Variants in FAM78B observed in about 807,000 individuals in gnomAD.
The protein encoded by FAM78B is protein FAM78B.
A neutral mutation model predicts 20.0 loss-of-function variants in FAM78B; 10 were observed. The observed-to-expected ratio is 0.50, with a 90% CI of 0.31 to 0.85. FAM78B has a LOEUF of 0.85. FAM78B is among the 40% of genes least tolerant of loss of function. FAM78B has a pLI of 0.05. For synonymous variants in FAM78B, 135 were observed against 132.8 expected, an observed-to-expected ratio of 1.02 and a Z score of -0.12; for missense variants, 283 against 345.0, an observed-to-expected ratio of 0.82 and a Z score of 1.42.
chr1:166,088,451 A>C (rs990051485), intron 1 of FAM78B, among the ~76,000 whole-genome samples: 2 of 152,160 alleles, frequency 1.3e-5, no homozygotes, highest in African/African-American at 4.8e-5. Flanking sequence ...TGGACTCAGA[A>C]GATCCAGGCC....
chr1:166,166,936 G>GTGGAGAGCCCCAACGGC lies in FAM78B; in HGVS notation c.-705_-689dup, dbSNP rs1656427737. On this transcript the variant is annotated 5_prime_UTR_variant, in exon 1 of 2. The change creates a premature stop within an existing upstream ORF in the 5' untranslated region. Transcript: ENST00000354422. The stretch of plus-strand genomic sequence containing the variant: ...GGGCGCCAGGAGGCTGTGGCCCGGG[G>GTGGAGAGCCCCAACGGC]TGGAGAGCCCCAACGGCTGGAGCAG... 6.6e-6 allele frequency: 1 copy of GTGGAGAGCCCCAACGGC among 152,148 alleles called. No individual in the cohort carries two copies. The allele number at this position is 152,148 out of a possible 1,614,324, so 9.4% of individuals were successfully genotyped here.
At chr1:166,142,726 C>T (rs1318957593) in intron 1 of FAM78B, among the ~76,000 whole-genome samples, 2 of 152,156 alleles carry the variant, frequency 1.3e-5, no homozygotes, top group African/African-American at 4.8e-5. Context: ...ACATAAAAGG[C>T]CCTCTAGGCA....
chr1:166,065,148 C>T (rs756728498), downstream of FAM78B, among the ~76,000 whole-genome samples: 1 of 152,348 alleles, frequency 6.6e-6, no homozygotes, highest in Non-Finnish European at 1.5e-5. Flanking sequence ...GCCTGATAAA[C>T]AGTAGTGGCT....
chr1:166,144,818 C>A lies in FAM78B; in HGVS notation c.263+21168G>T, dbSNP rs539179650. Among the ~76,000 whole-genome samples, 9 of 152,250 alleles carry A rather than the reference C, an allele frequency of 5.9e-5. No homozygotes were observed. The South Asian group carries it at 1.0e-3, about 18-fold the overall frequency. On this transcript the variant is annotated intron_variant, in intron 1 of 1. Coordinates refer to ENST00000354422, the MANE Select transcript of FAM78B (RefSeq NM_001017961.5). ...AGAAGGAGAGACCTGCCACTTAAAC[C>A]CCCTTTCTGTTCTTTACCATGGCAC...
downstream of FAM78B, among the ~76,000 whole-genome samples, chr1:166,064,921 A>G (rs1425821153): frequency 6.6e-6 from 1 of 152,230 alleles, no homozygotes; most frequent in Non-Finnish European, 1.5e-5. Context: ...TCCAGCTACC[A>G]GCAGGACCTC....
intron 1 of FAM78B, among the ~76,000 whole-genome samples, chr1:166,138,986 C>T (rs955636672): frequency 1.3e-5 from 2 of 152,216 alleles, no homozygotes; most frequent in Non-Finnish European, 2.9e-5. Flanking sequence ...GTCATGTTCC[C>T]TGAGTTGTCT....
intron 1 of FAM78B, among the ~76,000 whole-genome samples, chr1:166,092,494 T>A (rs1292073231): frequency 6.6e-6 from 1 of 152,238 alleles, no homozygotes; most frequent in Non-Finnish European, 1.5e-5. Flanking sequence ...GGCCCCTTGC[T>A]GTGGATTCAG....
intron 1 of FAM78B, among the ~76,000 whole-genome samples, chr1:166,155,824 T>A (rs1655870382): frequency 6.6e-6 from 1 of 152,050 alleles, no homozygotes; most frequent in African/African-American, 2.4e-5. Context: ...AAGATCCTGC[T>A]CTCACAGAAC....
intron 1 of FAM78B, among the ~76,000 whole-genome samples, chr1:166,139,746 T>G (rs1655208268): frequency 6.6e-6 from 1 of 152,200 alleles, no homozygotes; most frequent in Non-Finnish European, 1.5e-5. Context: ...CCAAAGGCTG[T>G]TCTTCCTGTG....
At chr1:166,143,468 A>G (rs1416936909) in intron 1 of FAM78B, among the ~76,000 whole-genome samples, 1 of 152,142 alleles carries the variant, frequency 6.6e-6, no homozygotes, top group African/African-American at 2.4e-5. Context: ...TATCTAGGAA[A>G]GGTCAGGCCA....
chr1:166,109,814 G>GTATATATATGTATATACATATATATATA (rs1653928332), intron 1 of FAM78B, among the ~76,000 whole-genome samples: 1 of 32,648 alleles, frequency 3.1e-5, no homozygotes. Context: ...ATGTATATAT[G>GTATATATATGTATATACATATATATATA]TATATATATA....
chr1:166,075,448 C>T (rs1438058213), intron 1 of FAM78B, among the ~76,000 whole-genome samples: 1 of 152,186 alleles, frequency 6.6e-6, no homozygotes, highest in Non-Finnish European at 1.5e-5. Flanking sequence ...TAATCATTCA[C>T]AGAAGTAACA....
intron 1 of FAM78B, among the ~76,000 whole-genome samples, chr1:166,115,570 G>C (rs921861219): frequency 6.6e-6 from 1 of 152,206 alleles, no homozygotes; most frequent in African/African-American, 2.4e-5. Flanking sequence ...TCTGTGTGCC[G>C]GGGATGTCCT....
At chr1:166,114,789 C>T (rs961579880) in intron 1 of FAM78B, among the ~76,000 whole-genome samples, 7 of 152,104 alleles carry the variant, frequency 4.6e-5, no homozygotes, top group Non-Finnish European at 1.0e-4. Context: ...AACAATATAG[C>T]ATATTTTTTT....
chr1:166,136,745 G>C (rs989851734), intron 1 of FAM78B, among the ~76,000 whole-genome samples: 1 of 152,180 alleles, frequency 6.6e-6, no homozygotes, highest in Non-Finnish European at 1.5e-5. Context: ...TAACTGGGCC[G>C]GTGACTCTGA....
intron 1 of FAM78B, among the ~76,000 whole-genome samples, chr1:166,093,521 T>C (rs189842586): frequency 2.0e-5 from 3 of 152,332 alleles, no homozygotes; most frequent in Admixed American, 2.0e-4. Context: ...TATAGGACCA[T>C]GGATCCCCAT....
At chr1:166,110,935 T>A (rs560969700) in intron 1 of FAM78B, among the ~76,000 whole-genome samples, 1 of 152,276 alleles carries the variant, frequency 6.6e-6, no homozygotes, top group Admixed American at 6.5e-5. Flanking sequence ...TATAAATGTA[T>A]ATAGAAATGA....
intron 1 of FAM78B, among the ~76,000 whole-genome samples, chr1:166,077,923 AT>A (rs1652382199): frequency 1.4e-4 from 4 of 27,956 alleles, no homozygotes; most frequent in African/African-American, 8.6e-4. Flanking sequence ...TATATATATA[AT>A]AAATATATAA....
rs111947703 is a variant in FAM78B, at chr1:166,103,656, G to A, written c.264-32893C>T. 1.8e-3 allele frequency among the ~76,000 whole-genome samples: 276 copies of A among 152,274 alleles called. 1 individual carries two copies. The highest frequency in any genetic ancestry group is 6.4e-3 in the African/African-American group (266 of 41,560). ...CACCTTCCCAAGACTAAACCAGGAC[G>A]AAGTTGAATCTCTGAATAGACCGAT... On this transcript the variant is annotated intron_variant, in intron 1 of 1. Coordinates refer to ENST00000354422, the MANE Select transcript of FAM78B (RefSeq NM_001017961.5).
Sources: allele counts gnomAD v4.1 joint callset (sites outside exome capture counted in the v4.1 genomes callset), GRCh38; gene constraint gnomAD v4.1.1; transcripts MANE v1.5; gene names NCBI Gene and HGNC (gene_info 2026-07-23, HGNC 2026-07-21).